Variants in ALG8 observed in about 807,000 individuals in gnomAD.
ALG8 encodes the protein ALG8 alpha-1,3-glucosyltransferase, also known as dolichyl pyrophosphate Glc1Man9GlcNAc2 alpha-1,3-glucosyltransferase.
In ALG8, 48 loss-of-function variants were observed where a neutral mutation model predicts 70.2. That is an observed-to-expected ratio of 0.68 (90% CI 0.54 to 0.87). The LOEUF (loss-of-function observed/expected upper bound fraction) is 0.87, where lower values mean the gene tolerates loss of function less well. Ranked by LOEUF, ALG8 falls within the 40% of genes least tolerant of loss-of-function variation. The pLI, the probability that ALG8 is intolerant of heterozygous loss-of-function variation, is 0.00. For missense variants in ALG8, 572 were observed against 608.7 expected, an observed-to-expected ratio of 0.94 and a Z score of 0.64; for synonymous variants, 234 against 229.0, an observed-to-expected ratio of 1.02 and a Z score of -0.20.
rs1860064122 is a variant in ALG8, at chr11:78,107,016, GA to G, written c.1039-71del. 3 of 1,570,078 alleles carry G rather than the reference GA, an allele frequency of 1.9e-6. No individual in the cohort carries two copies. In the African/African-American group the frequency reaches 4.1e-5, roughly 21 times the overall value. On this transcript the variant is annotated intron_variant, in intron 9 of 12. Coordinates refer to ENST00000299626, the MANE Select transcript of ALG8 (RefSeq NM_024079.5). ...GACTTTACAGAAACAGAGTTCAGGT[GA>G]ATACAATTTGCATCATCTCTGAAAG...
chr11:78,135,448 A>G (rs1368351126), intron 1 of ALG8: 1 of 152,176 alleles, frequency 6.6e-6, no homozygotes, highest in African/African-American at 2.4e-5. Context: ...ACAGGGGCTC[A>G]TGTCTGTAAT....
chr11:78,127,708 TTTTC>T (rs1442755738), intron 1 of ALG8, among the ~76,000 whole-genome samples: 1 of 144,164 alleles, frequency 6.9e-6, no homozygotes, highest in Admixed American at 6.7e-5. Context: ...TCTCTTTTTC[TTTTC>T]TTTTTTTTTT....
Position 78,101,033 on chromosome 11 carries a change from T to C in ALG8, c.1512A>G (p.Thr504=), listed in dbSNP as rs1183665017. The change falls in exon 13 of 13, where the codon ACA becomes ACG. Residue 504 remains threonine (T), a synonymous_variant. Coordinates refer to ENST00000299626, the MANE Select transcript of ALG8 (RefSeq NM_024079.5). ...LTSVYCAVGI[T]YAWFKLYVSV... ...AAACATACAGTTTGAACCAAGCATA[T>C]GTGATGCCTACTGCACAATACACTG... 1.2e-6 allele frequency: 2 copies of C among 1,614,094 alleles called. No homozygotes were observed. The highest frequency in any genetic ancestry group is 2.7e-5 in the African/African-American group (2 of 74,928).
intron 3 of ALG8, among the ~76,000 whole-genome samples, chr11:78,121,450 G>A (rs913369208): frequency 3.3e-5 from 5 of 150,598 alleles, no homozygotes; most frequent in Non-Finnish European, 7.4e-5. Flanking sequence ...ACAGCAAGCC[G>A]AGCAGGGTGG....
chr11:78,134,083 C>T (rs1011018485), intron 1 of ALG8, among the ~76,000 whole-genome samples: 16 of 151,366 alleles, frequency 1.1e-4, no homozygotes, highest in African/African-American at 3.6e-4. Flanking sequence ...ATGTTGATGG[C>T]TGTTGATTGA....
intron 12 of ALG8, among the ~76,000 whole-genome samples, chr11:78,101,448 G>C (rs1859793796): frequency 6.6e-6 from 1 of 152,078 alleles, no homozygotes; most frequent in African/African-American, 2.4e-5. Flanking sequence ...GGCCAACATG[G>C]AGAAACCCCA....
chr11:78,112,870 T>C, intron 7 of ALG8, 100 bp from the exon 8 acceptor site: 1 of 1,456,428 alleles, frequency 6.9e-7, no homozygotes, highest in South Asian at 1.2e-5. Context: ...TGTAGAAAGT[T>C]ATGGGGTCTG....
chr11:78,129,607 T>C (rs1861220509), intron 1 of ALG8, among the ~76,000 whole-genome samples: 1 of 152,190 alleles, frequency 6.6e-6, no homozygotes, highest in Non-Finnish European at 1.5e-5. Flanking sequence ...GTTTGAAATA[T>C]GTACTATTTT....
intron 1 of ALG8, among the ~76,000 whole-genome samples, chr11:78,132,012 T>C (rs1377435156): frequency 2.0e-5 from 3 of 152,208 alleles, no homozygotes; most frequent in Admixed American, 1.3e-4. Context: ...ACTCACCTTT[T>C]CAGCCCATTT....
intron 1 of ALG8, among the ~76,000 whole-genome samples, chr11:78,131,616 C>A (rs1188432367): frequency 6.6e-6 from 1 of 152,070 alleles, no homozygotes; most frequent in Non-Finnish European, 1.5e-5. Context: ...AATTTTTGAC[C>A]ACCATCTCCA....
chr11:78,120,996 A>G, intron 4 of ALG8, 69 bp downstream of exon 4: 1 of 1,381,078 alleles, frequency 7.2e-7, no homozygotes, highest in Non-Finnish European at 1.0e-6. Flanking sequence ...ATTATTATAG[A>G]AAACATTAAT....
chr11:78,131,630 A>C (rs1206878933), intron 1 of ALG8, among the ~76,000 whole-genome samples: 1 of 152,100 alleles, frequency 6.6e-6, no homozygotes, highest in Non-Finnish European at 1.5e-5. Context: ...ATCTCCAGCT[A>C]ATTCTTTGTA....
intron 3 of ALG8, 79 bp downstream of exon 3, chr11:78,123,942 T>C (rs1425338204): frequency 1.4e-6 from 2 of 1,479,408 alleles, no homozygotes; most frequent in African/African-American, 2.8e-5. Context: ...TCCTCCTAAA[T>C]TGGGAGTAAG....
At chr11:78,115,900 G>C (rs1263496375) in intron 5 of ALG8, among the ~76,000 whole-genome samples, 2 of 152,140 alleles carry the variant, frequency 1.3e-5, no homozygotes, top group Non-Finnish European at 2.9e-5. Context: ...GAAGGGCTGG[G>C]AATGAGAACA....
chr11:78,110,931 G>T (rs1038827058), intron 8 of ALG8, among the ~76,000 whole-genome samples: 1 of 152,114 alleles, frequency 6.6e-6, no homozygotes, highest in Admixed American at 6.6e-5. Context: ...TACAAGTGAG[G>T]GTACAGTACA....
chr11:78,119,279 G>C (rs751649169), intron 4 of ALG8, 30 bp from the exon 5 acceptor site: 13 of 1,510,418 alleles, frequency 8.6e-6, no homozygotes, highest in Middle Eastern at 1.7e-4. Context: ...AGACAACAGA[G>C]GACACCAAAT....
chr11:78,117,303 G>A (rs1041345243), intron 5 of ALG8, among the ~76,000 whole-genome samples: 4 of 152,122 alleles, frequency 2.6e-5, no homozygotes, highest in Non-Finnish European at 4.4e-5. Context: ...CAGAGACTTC[G>A]ATTCCATGTA....
chr11:78,104,298 G>A lies in ALG8; in HGVS notation c.1276+58C>T. ...TTTAAATTAGATGTATTAATCTGTG[G>A]GCCTCGATGAAAAGGTTGTGATAGT... On this transcript the variant is annotated intron_variant, in intron 11 of 12. Transcript: ENST00000299626. The A allele has an allele frequency of 4.9e-6, 7 of 1,422,762 alleles. No homozygotes were observed. The South Asian group carries it at 6.6e-5, about 13-fold the overall frequency. 88.1% of individuals were successfully genotyped at this position (1,422,762 alleles called of 1,614,324 possible). A position where few individuals can be genotyped will look rare whatever the true frequency, so the allele number is the denominator to read the frequency against.
chr11:78,112,008 G>A (rs1590813335), intron 8 of ALG8, among the ~76,000 whole-genome samples: 1 of 152,132 alleles, frequency 6.6e-6, no homozygotes, highest in African/African-American at 2.4e-5. Flanking sequence ...ATGGTGGCTT[G>A]TGCTGGTAAT....
Sources: allele counts gnomAD v4.1 joint callset (sites outside exome capture counted in the v4.1 genomes callset), GRCh38; gene constraint gnomAD v4.1.1; transcripts MANE v1.5; gene names NCBI Gene and HGNC (gene_info 2026-07-23, HGNC 2026-07-21).